SMIM35: variants seen among roughly 807,000 people sequenced by gnomAD.
SMIM35 encodes small integral membrane protein 35, also known as TMPRSS4 antisense RNA 1 (non-protein coding).
chr11:118,020,832 A>G lies in SMIM35; in HGVS notation c.8-5023T>C, dbSNP rs2058222318. ...CAGTTTATTTTTCTTGTCTAATTGT[A>G]TTGGTTAGAACTTCCAGTATAATGT... is the stretch of plus-strand genomic sequence containing the variant. On this transcript the variant is annotated intron_variant, in intron 1 of 4. Transcript: ENST00000689828. 2.0e-5 allele frequency among the ~76,000 whole-genome samples: 3 copies of G among 152,188 alleles called. No homozygotes were observed. The South Asian group carries it at 6.2e-4, about 32-fold the overall frequency.
intron 1 of SMIM35, chr11:118,028,767 C>T (rs2058294123): frequency 2.3e-6 from 1 of 432,936 alleles, no homozygotes; most frequent in African/African-American, 2.1e-5. Context: ...AGAAGAGAAA[C>T]TGAGAAGCAA....
intron 3 of SMIM35, 130 bp from the exon 4 acceptor site, chr11:118,014,010 T>G (rs1012014889): frequency 2.5e-6 from 1 of 394,684 alleles, no homozygotes; most frequent in African/African-American, 2.1e-5. Context: ...CCACTTACCA[T>G]AATCATCTCT....
intron 1 of SMIM35, among the ~76,000 whole-genome samples, chr11:118,022,264 T>A (rs2058236908): frequency 6.6e-6 from 1 of 152,202 alleles, no homozygotes; most frequent in South Asian, 2.1e-4. Flanking sequence ...TTGGCCAGGA[T>A]GGTCTTGATC....
At chr11:118,014,810 C>T (rs1380595132) in intron 2 of SMIM35, 69 bp from the exon 3 acceptor site, 12 of 398,476 alleles carry the variant, frequency 3.0e-5, no homozygotes, top group East Asian at 1.8e-4. Context: ...CTTCTAAGAA[C>T]GTCTGGTGCT....
intron 1 of SMIM35, among the ~76,000 whole-genome samples, chr11:118,020,722 T>G (rs1720879705): frequency 6.6e-6 from 1 of 152,226 alleles, no homozygotes; most frequent in Non-Finnish European, 1.5e-5. Flanking sequence ...AATCATTTTC[T>G]TCTGGTCTTC....
intron 1 of SMIM35, among the ~76,000 whole-genome samples, chr11:118,041,990 G>A (rs1404789787): frequency 4.7e-5 from 7 of 150,420 alleles, no homozygotes; most frequent in Non-Finnish European, 1.0e-4. Flanking sequence ...GGTGGAGGTT[G>A]CAGTGAGCCA....
In SMIM35 at chr11:118,003,794, C is replaced by G. The variant is rs554307430; in HGVS notation, c.*2616G>C. The G allele has an allele frequency of 6.6e-6, 1 of 152,140 alleles. No homozygotes were observed. Among genetic ancestry groups the G allele is most frequent in the Non-Finnish European group, 1.5e-5 (1 of 68,046 alleles). The allele number at this position is 152,140 out of a possible 1,614,324, so 9.4% of individuals were successfully genotyped here. A position where few individuals can be genotyped will look rare whatever the true frequency, so the allele number is the denominator to read the frequency against. ...TGTCATCTGGTTATGAAGATAAACA[C>G]CAAGCAAATAAACACAACAAACGTA... On this transcript the variant is annotated 3_prime_UTR_variant, in exon 5 of 5. Transcript: ENST00000689828.
intron 1 of SMIM35, among the ~76,000 whole-genome samples, chr11:118,030,324 C>T (rs555710133): frequency 1.4e-4 from 22 of 152,058 alleles, no homozygotes; most frequent in African/African-American, 9.7e-5. Flanking sequence ...TGTGAGCCAT[C>T]GCACCCAACT....
At chr11:118,008,117 G>A (rs1429013382) in intron 4 of SMIM35, among the ~76,000 whole-genome samples, 1 of 151,954 alleles carries the variant, frequency 6.6e-6, no homozygotes, top group African/African-American at 2.4e-5. Context: ...TGATCCACCC[G>A]CCTTGGCTTC....
intron 4 of SMIM35, among the ~76,000 whole-genome samples, chr11:118,013,324 G>A (rs1288034909): frequency 6.6e-6 from 1 of 152,228 alleles, no homozygotes; most frequent in Admixed American, 6.5e-5. Flanking sequence ...GCAAGGGAAC[G>A]TGTGGCCAGA....
intron 1 of SMIM35, chr11:118,029,954 T>C (rs11216711): frequency 0.011 from 3,891 of 359,600 alleles, 134 homozygotes; most frequent in African/African-American, 0.077. Flanking sequence ...GGTAAAATGA[T>C]TGTTGTGGCT....
At chr11:118,048,537 A>AGAAGGAAGGAAGGAAG (rs59910847) in intron 1 of SMIM35, among the ~76,000 whole-genome samples, 30 of 122,862 alleles carry the variant, frequency 2.4e-4, no homozygotes, top group East Asian at 1.4e-3. Context: ...GAAGAAAGAA[A>AGAAGGAAGGAAGGAAG]GAAGGAAGGA....
intron 1 of SMIM35, among the ~76,000 whole-genome samples, chr11:118,038,384 A>G (rs549860851): frequency 5.3e-5 from 8 of 152,332 alleles, no homozygotes; most frequent in African/African-American, 1.7e-4. Context: ...CATCCAGTGT[A>G]GCGCTGTTCT....
rs761119844 is a variant in SMIM35 at position 118,022,032 on chromosome 11, CTTTTTTTT to C, written c.8-6231_8-6224del. Among the ~76,000 whole-genome samples, 5 of 120,656 alleles carry C rather than the reference CTTTTTTTT, an allele frequency of 4.1e-5. No individual in the cohort carries two copies. In the South Asian group the frequency reaches 1.1e-3, roughly 26 times the overall value. 79.2% of individuals were successfully genotyped at this position (120,656 alleles called of 152,430 possible). A position where few individuals can be genotyped will look rare whatever the true frequency, so the allele number is the denominator to read the frequency against. On this transcript the variant is annotated intron_variant, in intron 1 of 4. Coordinates refer to ENST00000689828, the MANE Select transcript of SMIM35 (RefSeq NM_001394165.1). ...TATGCTAAACCATAAAACAATAAGT[CTTTTTTTT>C]TTTTTTTTTTTTGAGATGGAGATGG...
At chr11:118,076,297 C>T (rs951036669) in intron 1 of SMIM35, among the ~76,000 whole-genome samples, 2 of 151,540 alleles carry the variant, frequency 1.3e-5, no homozygotes, top group African/African-American at 2.4e-5. Flanking sequence ...AAACACAAAA[C>T]TTAGCTGGGT....
In SMIM35 at chr11:118,048,457, G is replaced by A. The variant is rs192081248; in HGVS notation, c.8-32648C>T. Among the ~76,000 whole-genome samples the A allele has an allele frequency of 2.6e-3, 388 of 152,050 alleles. 3 individuals carry two copies. Among genetic ancestry groups the A allele is most frequent in the Non-Finnish European group, 8.8e-4 (60 of 67,988 alleles). On this transcript the variant is annotated intron_variant, in intron 1 of 4. Coordinates refer to ENST00000689828, the MANE Select transcript of SMIM35 (RefSeq NM_001394165.1). Reference sequence around the variant, plus strand: ...GAAGCTGGGCAGTGGAAGTTGCAGCGAGCCTAGATTGCGCCACTGCACTCC... The same window carrying A: ...GAAGCTGGGCAGTGGAAGTTGCAGCAAGCCTAGATTGCGCCACTGCACTCC...
intron 1 of SMIM35, among the ~76,000 whole-genome samples, chr11:118,044,357 C>A (rs1019429889): frequency 4.7e-5 from 7 of 149,590 alleles, no homozygotes; most frequent in Admixed American, 4.7e-4. Flanking sequence ...ACGTGCCAAG[C>A]AGCATGAAGG....
At chr11:118,075,360 A>G (rs78956504) in intron 1 of SMIM35, among the ~76,000 whole-genome samples, 3,004 of 152,362 alleles carry the variant, frequency 0.02, 43 homozygotes, top group African/African-American at 0.047. Flanking sequence ...GTCCAAGGCC[A>G]CACTGCATTC....
At chr11:118,018,232 A>G (rs1188619894) in intron 1 of SMIM35, among the ~76,000 whole-genome samples, 1 of 152,082 alleles carries the variant, frequency 6.6e-6, no homozygotes, top group African/African-American at 2.4e-5. Context: ...CAATGAGGGG[A>G]GCTTGGCTTT....
Sources: allele counts gnomAD v4.1 joint callset (sites outside exome capture counted in the v4.1 genomes callset), GRCh38; gene constraint gnomAD v4.1.1; transcripts MANE v1.5; gene names NCBI Gene and HGNC (gene_info 2026-07-23, HGNC 2026-07-21).